The following CELSR1 variants were observed in gnomAD, a reference collection of about 807,000 sequenced individuals.
CELSR1 encodes cadherin EGF LAG seven-pass G-type receptor 1.
Under a neutral mutation model 249.1 loss-of-function variants are expected in CELSR1, and 110 were observed. The observed-to-expected ratio is 0.44, with a 90% CI of 0.38 to 0.52. The LOEUF is 0.52. CELSR1 is among the 20% of genes least tolerant of loss of function. The pLI is 0.00. For synonymous variants in CELSR1, 2,113 were observed against 1,900.0 expected, an observed-to-expected ratio of 1.11 and a Z score of -2.92; for missense variants, 4,109 against 4,296.4, an observed-to-expected ratio of 0.96 and a Z score of 1.22.
chr22:46,495,011 T>A (rs1157615121), intron 1 of CELSR1, among the ~76,000 whole-genome samples: 1 of 152,256 alleles, frequency 6.6e-6, no homozygotes, highest in African/African-American at 2.4e-5. Context: ...CGTTGTTAGA[T>A]GACTTCATCG....
chr22:46,365,427 G>A, intron 31 of CELSR1, 47 bp from the exon 32 acceptor site: 2 of 1,603,356 alleles, frequency 1.2e-6, no homozygotes, highest in Non-Finnish European at 1.7e-6. Context: ...GGGAGGTGAG[G>A]GAGTCCCACC....
Position 46,429,010 on chromosome 22 carries a change from C to T in CELSR1, c.4611+4383G>A, listed in dbSNP as rs2147413062. ...ACATCTTGCTGGCACGTCTGTGTCC[C>T]CGACCCTGCCAGGAGCTCCTGGAAC... On this transcript the variant is annotated intron_variant, in intron 5 of 34. Coordinates refer to ENST00000674500, the MANE Select transcript of CELSR1 (RefSeq NM_001378328.1). The surrounding 1 kb of genome is among the most constrained non-coding windows in gnomAD (Gnocchi z 4.1). Among the ~76,000 whole-genome samples the T allele has an allele frequency of 6.6e-6, 1 of 152,288 alleles. No homozygotes were observed. Among genetic ancestry groups the T allele is most frequent in the East Asian group, 1.9e-4 (1 of 5,180 alleles).
At chr22:46,511,008 G>T (rs2080567741) in intron 1 of CELSR1, among the ~76,000 whole-genome samples, 2 of 152,112 alleles carry the variant, frequency 1.3e-5, no homozygotes, top group Admixed American at 6.6e-5. Context: ...CCAGCTACCA[G>T]GATGCTGAGA....
Position 46,422,399 on chromosome 22 carries a change from T to C in CELSR1, c.4612-10640A>G, listed in dbSNP as rs2079484889. ...CTAGGATTACAGGCGTGAGCCACCG[T>C]GCCTGGCCCTCAAATGATTTTTTTA... On this transcript the variant is annotated intron_variant, in intron 5 of 34. Transcript: ENST00000674500. Among the ~76,000 whole-genome samples the C allele has an allele frequency of 2.6e-5, 4 of 151,676 alleles. No homozygotes were observed. In the South Asian group the frequency reaches 8.4e-4, roughly 32 times the overall value.
chr22:46,380,811 G>C lies in CELSR1; in HGVS notation c.7233C>G (p.Cys2411Trp). Residue 2411 changes from cysteine (C) to tryptophan (W), a missense_variant, in exon 22 of 35, where the codon TGC (cysteine) becomes TGG (tryptophan). By Grantham distance (215) the Cys-to-Trp change is radical. This residue lies in a region of CELSR1 where 1,805 missense variants were observed against 1,831.6 expected (regional missense o/e 0.99). Coordinates refer to ENST00000674500, the MANE Select transcript of CELSR1 (RefSeq NM_001378328.1). This position sits in a 1 kb window ranked among gnomAD's most constrained non-coding sequence, Gnocchi z 5.1. Reference protein sequence around the residue: ...LEVEERTKPVCVFWNHSLAVG... With the variant: ...LEVEERTKPVWVFWNHSLAVG... ...ACGCCAGGGAGTGGTTCCAGAACAC[G>C]CAGACAGGCTTGGTTCGCTCCTCCA... 4 of 1,612,842 alleles carry C rather than the reference G, an allele frequency of 2.5e-6. No individual in the cohort carries two copies. The highest frequency in any genetic ancestry group is 3.4e-6 in the Non-Finnish European group (4 of 1,179,782).
At position 46,380,460 on chromosome 22, in the gene CELSR1, C is replaced by T. The variant is rs1307987934; in HGVS notation, c.7256+328G>A. ...TTATCCGGCGGTGAACTGGGCACTA[C>T]ACTAGTGTTGGCCGCTGCATGTCGG... is the stretch of plus-strand genomic sequence containing the variant. On this transcript the variant is annotated intron_variant, in intron 22 of 34. Coordinates refer to ENST00000674500, the MANE Select transcript of CELSR1 (RefSeq NM_001378328.1). The surrounding 1 kb of genome is among the most constrained non-coding windows in gnomAD (Gnocchi z 5.1). 3.3e-5 allele frequency among the ~76,000 whole-genome samples: 5 copies of T among 152,362 alleles called. No homozygotes were observed. Among genetic ancestry groups the T allele is most frequent in the Middle Eastern group, 3.4e-3 (1 of 294 alleles).
In CELSR1 at chr22:46,536,768, C is replaced by A. The variant is rs1336628682; in HGVS notation, c.403G>T (p.Val135Phe). The A allele has an allele frequency of 8.4e-6, 10 of 1,183,974 alleles. 1 individual carries two copies. The South Asian group carries it at 2.6e-4, about 31-fold the overall frequency. 73.3% of individuals were successfully genotyped at this position (1,183,974 alleles called of 1,614,324 possible). A position where few individuals can be genotyped will look rare whatever the true frequency, so the allele number is the denominator to read the frequency against. Reference sequence around the variant, plus strand: ...TGCGCGGCCGCGCAGCCGCCGGGGACGGGGAAGCAGAGCGCCCCGCAGAGC... The same window carrying A: ...TGCGCGGCCGCGCAGCCGCCGGGGAAGGGGAAGCAGAGCGCCCCGCAGAGC... ...ARLCGALCFP[V>F]PGGCAAAQHS... The change falls in exon 1 of 35, where the codon GTC (valine) becomes TTC (phenylalanine). Residue 135 changes from valine to phenylalanine, a missense_variant. By Grantham distance (50) the Val-to-Phe change is conservative (BLOSUM62 -1). This residue lies in a region of CELSR1 where 673 missense variants were observed against 636.8 expected (regional missense o/e 1.06). Transcript: ENST00000674500.
At position 46,397,836 on chromosome 22, in the gene CELSR1, C is replaced by A. The variant is rs752886403; in HGVS notation, c.5539G>T (p.Gly1847Trp). ...GTGGCGACGTTGGTGGGCGTCCCCC[C>A]CATCCTCACTCCCTGCATTAAGTAA... ...FRGCMQGVRM[G>W]GTPTNVATLN... Residue 1847 changes from glycine to tryptophan, a missense_variant, in exon 12 of 35, where the codon GGG becomes TGG. Physicochemically the swap from Gly to Trp is radical, Grantham distance 184. This residue lies in a region of CELSR1 where 1,805 missense variants were observed against 1,831.6 expected (regional missense o/e 0.99). Coordinates refer to ENST00000674500, the MANE Select transcript of CELSR1 (RefSeq NM_001378328.1). 6.3e-6 allele frequency: 10 copies of A among 1,576,140 alleles called. No homozygotes were observed. The South Asian group carries it at 7.1e-5, about 11-fold the overall frequency.
chr22:46,365,398 ACAGGGAGGCTCAGGCC>A lies in CELSR1; in HGVS notation c.8405-34_8405-19del. 1 of 1,611,434 alleles carries A rather than the reference ACAGGGAGGCTCAGGCC, an allele frequency of 6.2e-7. No individual in the cohort carries two copies. Among genetic ancestry groups the A allele is most frequent in the Non-Finnish European group, 8.5e-7 (1 of 1,179,576 alleles). ...ATCGTGGCCTGTGGATGCGCGGGGGACAGGGAGGCTCAGGCCCTGGGAGGTGAGGGAGTCCCACCGA... is the reference window on the plus strand; with the variant it reads ...ATCGTGGCCTGTGGATGCGCGGGGGACTGGGAGGTGAGGGAGTCCCACCGA... On this transcript the variant is annotated intron_variant, in intron 31 of 34. Coordinates refer to ENST00000674500, the MANE Select transcript of CELSR1 (RefSeq NM_001378328.1).
rs1186862256 is a variant in CELSR1, at chr22:46,367,870, G to C, written c.7953-15C>G. The C allele has an allele frequency of 6.2e-7, 1 of 1,605,270 alleles. No individual in the cohort carries two copies. The highest frequency in any genetic ancestry group is 8.5e-7 in the Non-Finnish European group (1 of 1,177,756). ...TCAGCAGGGAGCTGCGGGAGGGCAG[G>C]ATCAGGCCTGTGCCCATCGCCACCA... On this transcript the variant is annotated splice_polypyrimidine_tract_variant and intron_variant, in intron 27 of 34. Transcript: ENST00000674500.
At chr22:46,383,807 C>A (rs1196652651) in intron 20 of CELSR1, among the ~76,000 whole-genome samples, 1 of 152,220 alleles carries the variant, frequency 6.6e-6, no homozygotes, top group Non-Finnish European at 1.5e-5. Flanking sequence ...GTTGGGGTTA[C>A]AGGCATGAGC....
At position 46,447,950 on chromosome 22, in the gene CELSR1, C is replaced by T. The variant is rs1184875427; in HGVS notation, c.4184-8539G>A. Reference sequence around the variant, plus strand: ...AGCATTCTTAACGGCAAAAGAAAAGCTCCCAGGAGCCAAGGCCCATCCAGC... The same window carrying T: ...AGCATTCTTAACGGCAAAAGAAAAGTTCCCAGGAGCCAAGGCCCATCCAGC... On this transcript the variant is annotated intron_variant, in intron 2 of 34. Coordinates refer to ENST00000674500, the MANE Select transcript of CELSR1 (RefSeq NM_001378328.1). The surrounding 1 kb of genome is among the most constrained non-coding windows in gnomAD (Gnocchi z 4.7). Among the ~76,000 whole-genome samples, 2 of 152,226 alleles carry T rather than the reference C, an allele frequency of 1.3e-5. No homozygotes were observed. Among genetic ancestry groups the T allele is most frequent in the East Asian group, 3.9e-4 (2 of 5,194 alleles).
chr22:46,485,642 C>T (rs1013479898), intron 1 of CELSR1, among the ~76,000 whole-genome samples: 8 of 152,168 alleles, frequency 5.3e-5, no homozygotes, highest in African/African-American at 1.9e-4. Flanking sequence ...CCAAGACAGG[C>T]GGCCAGCAGG....
At chr22:46,455,177 C>A (rs1347937859) in intron 2 of CELSR1, among the ~76,000 whole-genome samples, 1 of 152,218 alleles carries the variant, frequency 6.6e-6, no homozygotes, top group Non-Finnish European at 1.5e-5. Context: ...CACAGCCCTG[C>A]AGGGACCTTG....
chr22:46,484,839 A>T lies in CELSR1; in HGVS notation c.3545-20494T>A, dbSNP rs569177831. Reference sequence around the variant, plus strand: ...TTCCAGGGACGCCTCCCTCCAATTTAGTGAATGGCGAGCAAATCATTTTCT... The same window carrying T: ...TTCCAGGGACGCCTCCCTCCAATTTTGTGAATGGCGAGCAAATCATTTTCT... On this transcript the variant is annotated intron_variant, in intron 1 of 34. Transcript: ENST00000674500. The surrounding 1 kb of genome is among the most constrained non-coding windows in gnomAD (Gnocchi z 4.5). Among the ~76,000 whole-genome samples the T allele has an allele frequency of 6.7e-6, 1 of 150,218 alleles. No homozygotes were observed. The highest frequency in any genetic ancestry group is 6.7e-5 in the Admixed American group (1 of 14,902).
rs59543409 is a variant in CELSR1 at position 46,466,737 on chromosome 22, G to A, written c.3545-2392C>T. Among the ~76,000 whole-genome samples, 627 of 152,266 alleles carry A rather than the reference G, an allele frequency of 4.1e-3. 3 individuals carry two copies. Among genetic ancestry groups the A allele is most frequent in the African/African-American group, 0.014 (597 of 41,538 alleles). On this transcript the variant is annotated intron_variant, in intron 1 of 34. Transcript: ENST00000674500. ...CTTAAAACATTAAACCTCACTGCCC[G>A]GCATATAAGATATTAATGTGTTGCT...
intron 18 of CELSR1, among the ~76,000 whole-genome samples, chr22:46,388,765 T>A (rs2079057466): frequency 1.3e-5 from 2 of 152,124 alleles, no homozygotes; most frequent in Admixed American, 6.6e-5. Flanking sequence ...GCTCAGGGGA[T>A]GACAACTTCC....
rs763257450 is a variant in CELSR1 at position 46,533,895 on chromosome 22, C to T, written c.3276G>A (p.Val1092=). ...VSRATVHILL[V]DQNDNPPVLP... ...GCACAGGCGGGTTGTCATTCTGGTC[C>T]ACGAGAAGGATGTGCACCGTGGCTC... The change falls in exon 1 of 35, where the codon GTG becomes GTA. Residue 1092 remains valine, a synonymous_variant. Coordinates refer to ENST00000674500, the MANE Select transcript of CELSR1 (RefSeq NM_001378328.1). The T allele has an allele frequency of 2.5e-6, 4 of 1,613,422 alleles. No individual in the cohort carries two copies. The Admixed American group carries it at 6.7e-5, about 27-fold the overall frequency.
chr22:46,494,038 C>CA (rs2147708311), intron 1 of CELSR1, among the ~76,000 whole-genome samples: 1 of 152,192 alleles, frequency 6.6e-6, no homozygotes, highest in East Asian at 1.9e-4. Context: ...GAAACAGATT[C>CA]AGAAAAAAAG....
Sources: gnomAD v4.1 joint callset for allele counts (sites outside exome capture counted in the v4.1 genomes callset) on GRCh38, gnomAD v4.1.1 for gene constraint, gnomAD v4.1.1 regional missense constraint, Gnocchi (gnomAD v3.1) non-coding constraint, MANE v1.5 for transcripts, NCBI Gene and HGNC (gene_info 2026-07-23, HGNC 2026-07-21) for gene names.